MIPOL1: variants seen among roughly 807,000 people sequenced by gnomAD.
MIPOL1 encodes mirror-image polydactyly gene 1 protein.
In MIPOL1, 57 loss-of-function variants were observed where a neutral mutation model predicts 60.9. That is an observed-to-expected ratio of 0.94 (90% CI 0.76 to 1.17). The LOEUF is 1.17. Among genes scored for constraint, MIPOL1 ranks in the 50% most tolerant of loss-of-function variants. The probability of loss-of-function intolerance (pLI) is 0.00; values close to 1 mark genes in which losing one functional copy is unlikely to be tolerated. For missense variants in MIPOL1, 551 were observed against 511.6 expected (o/e 1.08, Z -0.74); for synonymous variants, 179 against 168.8 (o/e 1.06, Z -0.47).
chr14:37,390,365 CTT>C (rs1045278854), intron 10 of MIPOL1, among the ~76,000 whole-genome samples: 1 of 152,002 alleles, frequency 6.6e-6, no homozygotes, highest in Admixed American at 6.6e-5. Flanking sequence ...TGGAATGTCA[CTT>C]ATATATTATA....
At chr14:37,364,267 G>A (rs2092393282) in intron 9 of MIPOL1, among the ~76,000 whole-genome samples, 1 of 152,314 alleles carries the variant, frequency 6.6e-6, no homozygotes, top group East Asian at 1.9e-4. Context: ...GGCTGTCTTG[G>A]AACAGAAACC....
chr14:37,204,710 C>T (rs182382483), intron 1 of MIPOL1, among the ~76,000 whole-genome samples: 3 of 152,210 alleles, frequency 2.0e-5, no homozygotes, highest in East Asian at 3.9e-4. Context: ...TCTTTATTAG[C>T]AGCGTGAAAA....
At chr14:37,367,588 C>T (rs2092514369) in intron 9 of MIPOL1, among the ~76,000 whole-genome samples, 1 of 151,934 alleles carries the variant, frequency 6.6e-6, no homozygotes, top group Non-Finnish European at 1.5e-5. Flanking sequence ...CTCCTGTATT[C>T]TTCTTTCTCC....
intron 10 of MIPOL1, among the ~76,000 whole-genome samples, chr14:37,383,352 G>C (rs899859881): frequency 6.6e-6 from 1 of 151,524 alleles, no homozygotes; most frequent in East Asian, 1.9e-4. Context: ...CAGCATTTTT[G>C]TCCTTCTTTC....
intron 12 of MIPOL1, among the ~76,000 whole-genome samples, chr14:37,511,288 A>G (rs774238225): frequency 2.0e-4 from 31 of 152,162 alleles, no homozygotes; most frequent in Admixed American, 6.5e-4. Flanking sequence ...ATCAGTGGAA[A>G]TTCATTCTCT....
rs144477152 is a variant in MIPOL1, at chr14:37,417,906, T to G, written c.937-4949T>G. Among the ~76,000 whole-genome samples, 716 of 152,298 alleles carry G rather than the reference T, an allele frequency of 4.7e-3. 4 individuals carry two copies. The highest frequency in any genetic ancestry group is 0.015 in the African/African-American group (636 of 41,576). ...TTAGTTCCAACTTTCTTTCTAACCA[T>G]CTATGAAACCTTGGACAATTTCCAA... On this transcript the variant is annotated intron_variant, in intron 10 of 12. Transcript: ENST00000684589.
intron 9 of MIPOL1, among the ~76,000 whole-genome samples, chr14:37,359,082 A>T (rs1298050863): frequency 6.6e-6 from 1 of 152,208 alleles, no homozygotes; most frequent in Non-Finnish European, 1.5e-5. Context: ...ACGATTTATT[A>T]AACAGGGAAT....
chr14:37,293,053 G>A (rs1429496002), intron 7 of MIPOL1, among the ~76,000 whole-genome samples: 3 of 152,062 alleles, frequency 2.0e-5, no homozygotes, highest in African/African-American at 7.2e-5. Flanking sequence ...GCTTTTATTT[G>A]TTTCAGTATT....
intron 9 of MIPOL1, among the ~76,000 whole-genome samples, chr14:37,317,000 C>CAAAG (rs2087982120): frequency 6.6e-6 from 1 of 151,856 alleles, no homozygotes; most frequent in East Asian, 1.9e-4. Flanking sequence ...AACAAACAAA[C>CAAAG]AAAGATAATT....
intron 10 of MIPOL1, among the ~76,000 whole-genome samples, chr14:37,406,260 C>G (rs2093585586): frequency 6.6e-6 from 1 of 151,972 alleles, no homozygotes; most frequent in South Asian, 2.1e-4. Context: ...GAAATTCTAC[C>G]CAGGTGCTTG....
intron 11 of MIPOL1, among the ~76,000 whole-genome samples, chr14:37,438,834 CT>C (rs1296239182): frequency 6.6e-6 from 1 of 152,114 alleles, no homozygotes; most frequent in Non-Finnish European, 1.5e-5. Context: ...ATATGTTAGG[CT>C]ACAAAAACTA....
At chr14:37,481,919 C>T (rs1255968538) in intron 11 of MIPOL1, among the ~76,000 whole-genome samples, 4 of 151,998 alleles carry the variant, frequency 2.6e-5, no homozygotes, top group African/African-American at 9.7e-5. Flanking sequence ...TACCTCTCAC[C>T]ACACACAAAA....
intron 9 of MIPOL1, among the ~76,000 whole-genome samples, chr14:37,340,465 C>T (rs2090481886): frequency 6.6e-6 from 1 of 152,132 alleles, no homozygotes; most frequent in African/African-American, 2.4e-5. Context: ...AATCCTAGCA[C>T]TTTGGGAGGC....
At chr14:37,498,100 A>T (rs1435744491) in intron 11 of MIPOL1, among the ~76,000 whole-genome samples, 1 of 152,216 alleles carries the variant, frequency 6.6e-6, no homozygotes, top group Non-Finnish European at 1.5e-5. Context: ...AACTTCACTT[A>T]CCAATTGTTG....
intron 12 of MIPOL1, chr14:37,502,638 G>A (rs1030825350): frequency 2.0e-5 from 3 of 152,222 alleles, no homozygotes; most frequent in South Asian, 4.1e-4. Context: ...AAAGACCAAA[G>A]GTAGATAAAA....
intron 11 of MIPOL1, among the ~76,000 whole-genome samples, chr14:37,452,541 G>T (rs1259873972): frequency 2.0e-5 from 3 of 152,064 alleles, no homozygotes; most frequent in Admixed American, 6.5e-5. Context: ...ACTACTTTGG[G>T]GGACTGTCTT....
intron 11 of MIPOL1, among the ~76,000 whole-genome samples, chr14:37,484,786 A>G (rs114301212): frequency 0.036 from 5,542 of 152,038 alleles, 220 homozygotes; most frequent in African/African-American, 0.095. Context: ...TATTTAGCCT[A>G]TCCTCTGGGC....
chr14:37,289,016 T>C (rs182741464), intron 7 of MIPOL1, among the ~76,000 whole-genome samples: 12 of 152,366 alleles, frequency 7.9e-5, no homozygotes, highest in Non-Finnish European at 1.2e-4. Context: ...TGTATTCATT[T>C]CTATAGCCAC....
chr14:37,466,277 T>G (rs2094597579), intron 11 of MIPOL1, among the ~76,000 whole-genome samples: 1 of 152,192 alleles, frequency 6.6e-6, no homozygotes, highest in Non-Finnish European at 1.5e-5. Flanking sequence ...CCTCTTATGT[T>G]TAAGTGACAA....
Sources: allele counts gnomAD v4.1 joint callset (sites outside exome capture counted in the v4.1 genomes callset), GRCh38; gene constraint gnomAD v4.1.1; transcripts MANE v1.5; gene names NCBI Gene and HGNC (gene_info 2026-07-23, HGNC 2026-07-21).